Variants in RHOD observed in about 807,000 individuals in gnomAD.
RHOD encodes rho-related GTP-binding protein RhoD.
A neutral mutation model predicts 16.7 loss-of-function variants in RHOD; 11 were observed. That is an observed-to-expected ratio of 0.66 (90% CI 0.41 to 1.09). The LOEUF (loss-of-function observed/expected upper bound fraction) is 1.09. Ranked by LOEUF, RHOD falls within the 50% of genes least tolerant of loss-of-function variation. The pLI, the probability that RHOD is intolerant of heterozygous loss-of-function variation, is 0.00. For missense variants in RHOD, 271 were observed against 291.7 expected, an observed-to-expected ratio of 0.93 and a Z score of 0.52; for synonymous variants, 124 against 126.3, an observed-to-expected ratio of 0.98 and a Z score of 0.12.
intron 1 of RHOD, among the ~76,000 whole-genome samples, chr11:67,058,856 T>A (rs1334365269): frequency 1.3e-5 from 2 of 152,188 alleles, no homozygotes. Flanking sequence ...GTCATACATT[T>A]TTTTAAGTTG....
chr11:67,062,559 T>C (rs968765455), intron 1 of RHOD, among the ~76,000 whole-genome samples: 1 of 152,168 alleles, frequency 6.6e-6, no homozygotes, highest in Non-Finnish European at 1.5e-5. Flanking sequence ...CTCAAGGCTA[T>C]CCAGACTTCT....
At chr11:67,070,341 G>A (rs774371359) in intron 3 of RHOD, 84 bp from the exon 4 acceptor site, 10 of 1,423,604 alleles carry the variant, frequency 7.0e-6, no homozygotes, top group African/African-American at 1.4e-5. Flanking sequence ...CTCAGGCTGG[G>A]GAGCAAGAGA....
chr11:67,066,099 A>T, intron 2 of RHOD, 116 bp downstream of exon 2: 2 of 837,174 alleles, frequency 2.4e-6, no homozygotes, highest in Non-Finnish European at 3.8e-6. Flanking sequence ...TCCAAGGGAC[A>T]GGTGTGGGCC....
chr11:67,056,987 G>A lies in RHOD; in HGVS notation c.85G>A (p.Gly29Arg), dbSNP rs867240455. Reference protein sequence around the residue: ...KVVLVGDGGCGKTSLLMVFAD... With the variant: ...KVVLVGDGGCRKTSLLMVFAD... ...GGTCCTGGTGGGCGACGGCGGCTGCGGGAAGACGTCGCTGCTGATGGTCTT... is the reference window on the plus strand; with the variant it reads ...GGTCCTGGTGGGCGACGGCGGCTGCAGGAAGACGTCGCTGCTGATGGTCTT... The change falls in exon 1 of 5, where the codon GGG (glycine) becomes AGG (arginine). Residue 29 changes from glycine (G) to arginine (R), a missense_variant. Gly to Arg is a moderately radical substitution (Grantham distance 125, BLOSUM62 -2). Coordinates refer to ENST00000308831, the MANE Select transcript of RHOD (RefSeq NM_014578.4). 1 of 1,510,750 alleles carries A rather than the reference G, an allele frequency of 6.6e-7. No homozygotes were observed. The highest frequency in any genetic ancestry group is 8.8e-7 in the Non-Finnish European group (1 of 1,139,300). The allele number at this position is 1,510,750 out of a possible 1,614,324, so 93.6% of individuals were successfully genotyped here. A position where few individuals can be genotyped will look rare whatever the true frequency, so the allele number is the denominator to read the frequency against.
chr11:67,066,915 G>T, intron 3 of RHOD, 68 bp downstream of exon 3: 1 of 1,018,616 alleles, frequency 9.8e-7, no homozygotes, highest in South Asian at 1.3e-5. Context: ...ACCCACCCTC[G>T]ACCCAGCTGA....
chr11:67,069,049 C>T (rs1207005240), intron 3 of RHOD, among the ~76,000 whole-genome samples: 1 of 151,722 alleles, frequency 6.6e-6, no homozygotes, highest in African/African-American at 2.4e-5. Context: ...CTCACTGCAA[C>T]CTCCACCTCC....
chr11:67,058,689 C>T (rs7112925), intron 1 of RHOD, among the ~76,000 whole-genome samples: 54,384 of 151,882 alleles, frequency 0.36, 9,908 homozygotes, highest in South Asian at 0.51. Context: ...ACAAGCAGGA[C>T]GGTCGGGCCT....
At chr11:67,069,739 C>T (rs1366788052) in intron 3 of RHOD, among the ~76,000 whole-genome samples, 1 of 151,922 alleles carries the variant, frequency 6.6e-6, no homozygotes, top group African/African-American at 2.4e-5. Context: ...GTCGCCCAGG[C>T]TGGAATGCAG....
rs1349895940 is a variant in RHOD at position 67,065,917 on chromosome 11, G to C, written c.154G>C (p.Glu52Gln). Reference sequence around the variant, plus strand: ...TCAGAGCTACACCCCCACGGTGTTTGAGCGGTACATGGTCAACCTGCAAGT... The same window carrying C: ...TCAGAGCTACACCCCCACGGTGTTTCAGCGGTACATGGTCAACCTGCAAGT... The part of the protein sequence containing the change: ...FPESYTPTVF[E>Q]RYMVNLQVKG... Residue 52 changes from glutamate (E) to glutamine (Q), a missense_variant, in exon 2 of 5, where the codon GAG (glutamate) becomes CAG (glutamine). By Grantham distance (29) the Glu-to-Gln change is conservative (BLOSUM62 2). Coordinates refer to ENST00000308831, the MANE Select transcript of RHOD (RefSeq NM_014578.4). 5 of 1,613,634 alleles carry C rather than the reference G, an allele frequency of 3.1e-6. No homozygotes were observed. The Admixed American group carries it at 8.3e-5, about 27-fold the overall frequency.
Position 67,071,545 on chromosome 11 carries a change from C to G in RHOD, c.576C>G (p.Ser192Arg). 19 of 1,611,936 alleles carry G rather than the reference C, an allele frequency of 1.2e-5. No homozygotes were observed. The highest frequency in any genetic ancestry group is 1.6e-5 in the Non-Finnish European group (19 of 1,179,270). ...VFQEAAEVAL[S>R]SRGRNFWRRI... The stretch of plus-strand genomic sequence containing the variant: ...AGGAGGCCGCCGAGGTGGCCCTCAG[C>G]AGCCGCGGTCGCAACTTCTGGCGGC... The change falls in exon 5 of 5, where the codon AGC becomes AGG. Residue 192 changes from serine to arginine, a missense_variant. By Grantham distance (110) the Ser-to-Arg change is moderately radical. Coordinates refer to ENST00000308831, the MANE Select transcript of RHOD (RefSeq NM_014578.4).
intron 1 of RHOD, among the ~76,000 whole-genome samples, chr11:67,062,993 T>C (rs1355788607): frequency 6.6e-6 from 1 of 152,182 alleles, no homozygotes; most frequent in African/African-American, 2.4e-5. Flanking sequence ...CTCACCTTCA[T>C]GGAAAGGCAG....
chr11:67,071,577 C>T lies in RHOD; in HGVS notation c.608C>T (p.Thr203Ile). ...GGTCGCAACTTCTGGCGGCGGATTA[C>T]CCAGGGCTTTTGCGTGGTGACCTGA... is the stretch of plus-strand genomic sequence containing the variant. ...SRGRNFWRRI[T>I]QGFCVVT The change falls in exon 5 of 5, where the codon ACC becomes ATC. Residue 203 changes from threonine (T) to isoleucine (I), a missense_variant. Physicochemically the swap from Thr to Ile is moderately conservative, Grantham distance 89. Coordinates refer to ENST00000308831, the MANE Select transcript of RHOD (RefSeq NM_014578.4). 1 of 1,609,634 alleles carries T rather than the reference C, an allele frequency of 6.2e-7. No individual in the cohort carries two copies. Among genetic ancestry groups the T allele is most frequent in the Non-Finnish European group, 8.5e-7 (1 of 1,178,066 alleles).
At chr11:67,067,403 A>G (rs765707280) in intron 3 of RHOD, among the ~76,000 whole-genome samples, 1 of 152,050 alleles carries the variant, frequency 6.6e-6, no homozygotes, top group Non-Finnish European at 1.5e-5. Flanking sequence ...CAACAACAAC[A>G]ACGGTGACAA....
Position 67,071,570 on chromosome 11 carries a change from C to T in RHOD, c.601C>T (p.Arg201Trp), listed in dbSNP as rs1354048992. 3 of 1,610,550 alleles carry T rather than the reference C, an allele frequency of 1.9e-6. No homozygotes were observed. The African/African-American group carries it at 4.0e-5, about 22-fold the overall frequency. Residue 201 changes from arginine to tryptophan, a missense_variant, in exon 5 of 5, where the codon CGG becomes TGG. Coordinates refer to ENST00000308831, the MANE Select transcript of RHOD (RefSeq NM_014578.4). ...CAGCCGCGGTCGCAACTTCTGGCGG[C>T]GGATTACCCAGGGCTTTTGCGTGGT... ...LSSRGRNFWR[R>W]ITQGFCVVT
chr11:67,065,153 G>A (rs1348653416), intron 1 of RHOD, among the ~76,000 whole-genome samples: 1 of 151,202 alleles, frequency 6.6e-6, no homozygotes, highest in Non-Finnish European at 1.5e-5. Flanking sequence ...TCAGCTCACC[G>A]CAACGTCCAC....
Position 67,071,809 on chromosome 11 carries a change from C to T in RHOD, c.*207C>T, listed in dbSNP as rs1046046978. On this transcript the variant is annotated 3_prime_UTR_variant, in exon 5 of 5. Transcript: ENST00000308831. ...CCTGCTCTGTGTAGGGCTCGTCCTG[C>T]GGTGCCCGAGAATCACTCGCTAACC... 4.3e-5 allele frequency: 22 copies of T among 511,830 alleles called. No individual in the cohort carries two copies. The highest frequency in any genetic ancestry group is 3.4e-5 in the Non-Finnish European group (10 of 296,804). 31.7% of individuals were successfully genotyped at this position (511,830 alleles called of 1,614,324 possible).
intron 1 of RHOD, among the ~76,000 whole-genome samples, chr11:67,063,788 A>G (rs1277939231): frequency 1.7e-4 from 18 of 105,506 alleles, no homozygotes; most frequent in East Asian, 3.3e-4. Context: ...GTGACAGAGC[A>G]GGACTCTCTC....
intron 3 of RHOD, among the ~76,000 whole-genome samples, chr11:67,069,407 G>A (rs1854997243): frequency 6.6e-6 from 1 of 152,032 alleles, no homozygotes; most frequent in African/African-American, 2.4e-5. Context: ...AGCCCAGGCT[G>A]GAGTGCAGTG....
intron 1 of RHOD, among the ~76,000 whole-genome samples, chr11:67,058,337 A>G (rs1302122825): frequency 6.6e-6 from 1 of 152,054 alleles, no homozygotes; most frequent in African/African-American, 2.4e-5. Flanking sequence ...CACCGTGCCC[A>G]GCTAATTTTT....
Sources: gnomAD v4.1 joint callset for allele counts (sites outside exome capture counted in the v4.1 genomes callset) on GRCh38, gnomAD v4.1.1 for gene constraint, MANE v1.5 for transcripts, NCBI Gene and HGNC (gene_info 2026-07-23, HGNC 2026-07-21) for gene names.